Variants in TCF12 observed in about 807,000 individuals in gnomAD.
TCF12 encodes the protein transcription factor 12, also known as DNA-binding protein HTF4.
In TCF12, 45 loss-of-function variants were observed where a neutral mutation model predicts 86.0. That is an observed-to-expected ratio of 0.52 (90% CI 0.41 to 0.67). TCF12 has a LOEUF of 0.67. Ranked by LOEUF, TCF12 falls within the 30% of genes least tolerant of loss-of-function variation. The pLI is 0.00. For synonymous variants in TCF12, 330 were observed against 299.6 expected (o/e 1.10, Z -1.05); for missense variants, 881 against 859.9 (o/e 1.02, Z -0.31).
At position 57,251,332 on chromosome 15, in the gene TCF12, A is replaced by G; in HGVS notation, c.1115-18A>G. 6.2e-7 allele frequency: 1 copy of G among 1,612,332 alleles called. No homozygotes were observed. Among genetic ancestry groups the G allele is most frequent in the Middle Eastern group, 1.7e-4 (1 of 6,056 alleles). On this transcript the variant is annotated intron_variant, in intron 13 of 20. Transcript: ENST00000333725. Reference sequence around the variant, plus strand: ...ACTGAGTTAACCCAGGTGTGTGGCTACTTTTGGGTTTTAACAGGTACCAGT... The same window carrying G: ...ACTGAGTTAACCCAGGTGTGTGGCTGCTTTTGGGTTTTAACAGGTACCAGT...
At chr15:56,972,279 A>G (rs2062377228) in intron 3 of TCF12, among the ~76,000 whole-genome samples, 1 of 152,230 alleles carries the variant, frequency 6.6e-6, no homozygotes, top group African/African-American at 2.4e-5. Context: ...TTGATCCAGC[A>G]ATTCCACTTC....
At chr15:57,089,387 A>G (rs1437453394) in intron 4 of TCF12, among the ~76,000 whole-genome samples, 1 of 152,214 alleles carries the variant, frequency 6.6e-6, no homozygotes, top group Non-Finnish European at 1.5e-5. Context: ...AAAAAAGTCT[A>G]TAGGCTCCTA....
At chr15:57,238,500 C>A (rs1282105352) in intron 12 of TCF12, among the ~76,000 whole-genome samples, 1 of 152,134 alleles carries the variant, frequency 6.6e-6, no homozygotes, top group Admixed American at 6.5e-5. Context: ...TGAAACCTCA[C>A]CATATGATTA....
intron 3 of TCF12, among the ~76,000 whole-genome samples, chr15:56,930,713 T>TA (rs201666204): frequency 0.014 from 1,954 of 141,012 alleles, 39 homozygotes; most frequent in African/African-American, 0.053. Context: ...GTTTTTTTTT[T>TA]ATTCTAGGTG....
At chr15:56,921,570 A>T (rs185281389) in intron 3 of TCF12, among the ~76,000 whole-genome samples, 304 of 152,124 alleles carry the variant, frequency 2.0e-3, no homozygotes, top group African/African-American at 7.0e-3. Flanking sequence ...AAAAACTCAT[A>T]ATTTAAAAAT....
intron 4 of TCF12, among the ~76,000 whole-genome samples, chr15:57,078,957 TA>T (rs2070381796): frequency 6.6e-6 from 1 of 152,228 alleles, no homozygotes; most frequent in Non-Finnish European, 1.5e-5. Flanking sequence ...GACCTTTTGT[TA>T]TCAAAGTAAT....
chr15:57,076,261 T>C (rs2439919), intron 4 of TCF12, among the ~76,000 whole-genome samples: 86,551 of 151,872 alleles, frequency 0.57, 24,894 homozygotes, highest in Admixed American at 0.61. Flanking sequence ...TACAGAGCTT[T>C]GTGATCCAAA....
intron 8 of TCF12, among the ~76,000 whole-genome samples, chr15:57,219,973 G>A (rs1401881341): frequency 2.0e-5 from 3 of 151,888 alleles, no homozygotes; most frequent in Admixed American, 6.6e-5. Flanking sequence ...TGATCCACCC[G>A]CCTCGGCCTC....
At chr15:57,049,314 C>T (rs953268710) in intron 3 of TCF12, among the ~76,000 whole-genome samples, 28 of 152,266 alleles carry the variant, frequency 1.8e-4, no homozygotes, top group African/African-American at 4.8e-4. Flanking sequence ...TAGATACTTC[C>T]GTCTGCTTCC....
At chr15:57,099,916 C>G (rs2049606130) in intron 5 of TCF12, among the ~76,000 whole-genome samples, 1 of 151,360 alleles carries the variant, frequency 6.6e-6, no homozygotes, top group Non-Finnish European at 1.5e-5. Flanking sequence ...TTGGTGAGCT[C>G]ACAACATTGG....
chr15:57,135,057 CT>C (rs2052421354), intron 5 of TCF12, among the ~76,000 whole-genome samples: 1 of 151,972 alleles, frequency 6.6e-6, no homozygotes, highest in South Asian at 2.1e-4. Context: ...AAGGAATTTC[CT>C]TTGTTGAATG....
chr15:57,232,902 T>A lies in TCF12; in HGVS notation c.970+46T>A, dbSNP rs187471597. 3.5e-6 allele frequency: 5 copies of A among 1,445,434 alleles called. No individual in the cohort carries two copies. In the East Asian group the frequency reaches 1.0e-4, roughly 30 times the overall value. 89.5% of individuals were successfully genotyped at this position (1,445,434 alleles called of 1,614,324 possible). A position where few individuals can be genotyped will look rare whatever the true frequency, so the allele number is the denominator to read the frequency against. Reference sequence around the variant, plus strand: ...AAACTTCCTAAAAGTTTGTGGACTTTCAGTGACCCCGATATCTTTATATAT... The same window carrying A: ...AAACTTCCTAAAAGTTTGTGGACTTACAGTGACCCCGATATCTTTATATAT... On this transcript the variant is annotated intron_variant, in intron 11 of 20. Coordinates refer to ENST00000333725, the MANE Select transcript of TCF12 (RefSeq NM_207037.2).
At chr15:57,151,560 A>T (rs576662778) in intron 5 of TCF12, among the ~76,000 whole-genome samples, 43 of 152,120 alleles carry the variant, frequency 2.8e-4, no homozygotes, top group African/African-American at 1.0e-3. Flanking sequence ...AGATCAAGAG[A>T]TCGAGACCAG....
At chr15:57,226,687 G>A (rs2058897485) in intron 8 of TCF12, among the ~76,000 whole-genome samples, 1 of 152,128 alleles carries the variant, frequency 6.6e-6, no homozygotes, top group Admixed American at 6.5e-5. Flanking sequence ...GTTTCAGAAT[G>A]TAGGCTGACT....
chr15:56,980,388 G>C (rs1394846484), intron 3 of TCF12, among the ~76,000 whole-genome samples: 1 of 152,054 alleles, frequency 6.6e-6, no homozygotes, highest in Non-Finnish European at 1.5e-5. Flanking sequence ...TTTGGTTCTT[G>C]CCCTTCTGTC....
intron 3 of TCF12, among the ~76,000 whole-genome samples, chr15:57,024,278 G>C (rs534187075): frequency 9.2e-4 from 135 of 146,834 alleles, no homozygotes; most frequent in African/African-American, 3.3e-3. Context: ...GTTAGAGTGA[G>C]GTAGTGCGAT....
chr15:57,170,274 A>AT (rs533740607), intron 6 of TCF12, among the ~76,000 whole-genome samples: 7,158 of 144,752 alleles, frequency 0.049, 467 homozygotes, highest in African/African-American at 0.15. Flanking sequence ...GGAATTAAAA[A>AT]TTTTTTTTTT....
chr15:57,107,311 G>GTGTAAGTGCAGATTACTA (rs557673745), intron 5 of TCF12, among the ~76,000 whole-genome samples: 6,039 of 152,270 alleles, frequency 0.04, 370 homozygotes, highest in Admixed American at 0.17. Context: ...GCAGATTACT[G>GTGTAAGTGCAGATTACTA]TGTGAAACAA....
chr15:57,204,619 T>C (rs1566911975), intron 8 of TCF12, among the ~76,000 whole-genome samples: 2 of 152,212 alleles, frequency 1.3e-5, no homozygotes, highest in African/African-American at 2.4e-5. Flanking sequence ...TTTGAGACAA[T>C]TGGAAATATC....
Sources: gnomAD v4.1 joint callset for allele counts (sites outside exome capture counted in the v4.1 genomes callset) on GRCh38, gnomAD v4.1.1 for gene constraint, MANE v1.5 for transcripts, NCBI Gene and HGNC (gene_info 2026-07-23, HGNC 2026-07-21) for gene names.